MAP6: variants seen among roughly 807,000 people sequenced by gnomAD.
MAP6 encodes microtubule-associated protein 6.
A neutral mutation model predicts 42.4 loss-of-function variants in MAP6; 26 were observed. That is an observed-to-expected ratio of 0.61 (90% CI 0.45 to 0.85). The LOEUF (loss-of-function observed/expected upper bound fraction) is 0.85, where lower values mean the gene tolerates loss of function less well. Among genes scored for constraint, MAP6 ranks in the 40% least tolerant of loss-of-function variants. The pLI is 0.00. For synonymous variants in MAP6, 418 were observed against 443.8 expected (o/e 0.94, Z 0.73); for missense variants, 966 against 1,099.0 (o/e 0.88, Z 1.71).
intron 1 of MAP6, among the ~76,000 whole-genome samples, chr11:75,640,891 G>A (rs572923945): frequency 5.9e-5 from 9 of 152,268 alleles, no homozygotes; most frequent in Non-Finnish European, 2.9e-5. Flanking sequence ...TGGTGGGACT[G>A]TAAACTAGTT....
chr11:75,607,871 T>G (rs1942808295), intron 2 of MAP6, among the ~76,000 whole-genome samples: 1 of 152,280 alleles, frequency 6.6e-6, no homozygotes, highest in Admixed American at 6.5e-5. Flanking sequence ...CCTGGAAATC[T>G]GCCAGCCTTT....
At chr11:75,594,924 C>T (rs1395391719) in intron 3 of MAP6, among the ~76,000 whole-genome samples, 1 of 152,186 alleles carries the variant, frequency 6.6e-6, no homozygotes, top group African/African-American at 2.4e-5. Flanking sequence ...GGGCCCTAAG[C>T]CTTATCGGCC....
In MAP6 at chr11:75,668,213, C is replaced by CCTG; in HGVS notation, c.154_156dup (p.Gln52dup). ...GAGGGGGGCGCGAGCGCCGGCTGCG[C>CCTG]CTGCTGCTGCGGCGGCGGTGGCTGC... On this transcript the variant is annotated inframe_insertion, in exon 1 of 4. Transcript: ENST00000304771. The CCTG allele has an allele frequency of 9.8e-6, 13 of 1,327,220 alleles. No homozygotes were observed. The highest frequency in any genetic ancestry group is 1.2e-5 in the Non-Finnish European group (13 of 1,046,054). 82.2% of individuals were successfully genotyped at this position (1,327,220 alleles called of 1,614,324 possible).
intron 3 of MAP6, chr11:75,594,113 C>T (rs913429951): frequency 2.6e-5 from 4 of 152,202 alleles, no homozygotes; most frequent in African/African-American, 9.6e-5. Context: ...GGAAACTTGA[C>T]CCAGAATGGA....
chr11:75,591,965 A>T (rs1942484178), intron 3 of MAP6, among the ~76,000 whole-genome samples: 1 of 152,256 alleles, frequency 6.6e-6, no homozygotes, highest in African/African-American at 2.4e-5. Flanking sequence ...CTTCTGTAAT[A>T]ACTGTGATAG....
intron 1 of MAP6, among the ~76,000 whole-genome samples, chr11:75,658,109 G>A (rs1382868741): frequency 6.6e-6 from 1 of 152,084 alleles, no homozygotes; most frequent in Non-Finnish European, 1.5e-5. Flanking sequence ...TTAGTTCTTA[G>A]CTATTAATAA....
intron 1 of MAP6, among the ~76,000 whole-genome samples, chr11:75,655,666 T>C (rs765936826): frequency 7.9e-5 from 12 of 152,116 alleles, no homozygotes; most frequent in African/African-American, 1.2e-4. Context: ...ACAAGATTAG[T>C]GGAGGGAGAT....
intron 1 of MAP6, among the ~76,000 whole-genome samples, chr11:75,626,992 G>C (rs181284082): frequency 3.3e-5 from 5 of 152,164 alleles, no homozygotes; most frequent in Admixed American, 3.3e-4. Context: ...TAATTGTGAC[G>C]GGTGGCAGAA....
intron 1 of MAP6, among the ~76,000 whole-genome samples, chr11:75,618,895 G>A (rs970172076): frequency 6.6e-6 from 1 of 152,212 alleles, no homozygotes; most frequent in South Asian, 2.1e-4. Context: ...GGACCCCTCG[G>A]CCACTGCCCG....
In MAP6 at chr11:75,667,899, C is replaced by G; in HGVS notation, c.471G>C (p.Gln157His). Residue 157 changes from glutamine (Q) to histidine (H), a missense_variant, in exon 1 of 4, where the codon CAG (glutamine) becomes CAC (histidine). Gln to His is a conservative substitution (Grantham distance 24). Transcript: ENST00000304771. This position sits in a 1 kb window ranked among gnomAD's most constrained non-coding sequence, Gnocchi z 5.6. ...DAPFERETQY[Q>H]KDFRAWPLPR... ...GCAGCGGCCAGGCGCGGAAGTCCTT[C>G]TGGTACTGGGTCTCGCGCTCGAAGG... 1 of 1,437,382 alleles carries G rather than the reference C, an allele frequency of 7.0e-7. No homozygotes were observed. The highest frequency in any genetic ancestry group is 1.8e-4 in the Middle Eastern group (1 of 5,530). 89.0% of individuals were successfully genotyped at this position (1,437,382 alleles called of 1,614,324 possible).
intron 3 of MAP6, chr11:75,603,147 G>C (rs1942696346): frequency 1.0e-6 from 1 of 985,534 alleles, no homozygotes; most frequent in South Asian, 4.7e-5. Flanking sequence ...AGCACAGACA[G>C]GACAGATTGC....
intron 1 of MAP6, among the ~76,000 whole-genome samples, chr11:75,664,782 A>G (rs1343647138): frequency 1.3e-5 from 2 of 152,190 alleles, no homozygotes; most frequent in Non-Finnish European, 2.9e-5. Flanking sequence ...ATAATTGCCA[A>G]CCATTTTTTC....
In MAP6 at chr11:75,608,328, A is replaced by G. The variant is rs1942821120; in HGVS notation, c.906-6T>C. 6.2e-7 allele frequency: 1 copy of G among 1,612,002 alleles called. No individual in the cohort carries two copies. The highest frequency in any genetic ancestry group is 1.1e-5 in the South Asian group (1 of 91,016). On this transcript the variant is annotated splice_polypyrimidine_tract_variant and splice_region_variant and intron_variant, in intron 1 of 3. Coordinates refer to ENST00000304771, the MANE Select transcript of MAP6 (RefSeq NM_033063.2). ...TCCATGCCCTGAATTCATTCCTGTT[A>G]GTCAAAGAAAGCATATGTGATATGA...
intron 3 of MAP6, among the ~76,000 whole-genome samples, chr11:75,589,663 G>A (rs528289316): frequency 3.7e-4 from 56 of 152,272 alleles, no homozygotes; most frequent in African/African-American, 1.2e-3. Context: ...AGTGTGCCTG[G>A]CACATAGTAG....
intron 1 of MAP6, among the ~76,000 whole-genome samples, chr11:75,653,870 C>G (rs1026579464): frequency 6.6e-6 from 1 of 152,216 alleles, no homozygotes; most frequent in Non-Finnish European, 1.5e-5. Context: ...CCAAGTAGTA[C>G]TCAACCCACC....
At chr11:75,643,235 A>T (rs1565274724) in intron 1 of MAP6, among the ~76,000 whole-genome samples, 1 of 150,314 alleles carries the variant, frequency 6.7e-6, no homozygotes, top group Non-Finnish European at 1.5e-5. Context: ...TATATATATA[A>T]ATATATAAAT....
At position 75,587,180 on chromosome 11, in the gene MAP6, G is replaced by A. The variant is rs564602063; in HGVS notation, c.2321C>T (p.Ala774Val). 143 of 1,614,110 alleles carry A rather than the reference G, an allele frequency of 8.9e-5. No individual in the cohort carries two copies. The highest frequency in any genetic ancestry group is 1.6e-4 in the Middle Eastern group (1 of 6,062). ...TTGAGTCTTCAGAGGTTCAGGGACT[G>A]CAGGACCTTGGTCCTTTGCTGGTAC... is the stretch of plus-strand genomic sequence containing the variant. ...VPVPAKDQGP[A>V]VPEPLKTQGP... The change falls in exon 4 of 4, where the codon GCA (alanine) becomes GTA (valine). Residue 774 changes from alanine to valine, a missense_variant. Physicochemically the swap from Ala to Val is moderately conservative, Grantham distance 64. Transcript: ENST00000304771.
At chr11:75,606,227 T>G (rs112205976) in intron 2 of MAP6, among the ~76,000 whole-genome samples, 1,973 of 152,202 alleles carry the variant, frequency 0.013, 59 homozygotes, top group African/African-American at 0.046. Flanking sequence ...GGCCACGTGG[T>G]CTCCCTTGTC....
At chr11:75,607,271 C>T in intron 2 of MAP6, 2 of 985,430 alleles carry the variant, frequency 2.0e-6, no homozygotes, top group Non-Finnish European at 2.4e-6. Flanking sequence ...GACTTTAGGA[C>T]AAAAGCAGAG....
Sources: gnomAD v4.1 joint callset for allele counts (sites outside exome capture counted in the v4.1 genomes callset) on GRCh38, gnomAD v4.1.1 for gene constraint, Gnocchi (gnomAD v3.1) non-coding constraint, MANE v1.5 for transcripts, NCBI Gene and HGNC (gene_info 2026-07-23, HGNC 2026-07-21) for gene names.